The following PPP2R1B variants were observed in gnomAD, a reference collection of about 807,000 sequenced individuals.
PPP2R1B encodes serine/threonine-protein phosphatase 2A 65 kDa regulatory subunit A beta isoform.
PPP2R1B carries 58 observed loss-of-function variants against 72.7 expected under a neutral mutation model. That is an observed-to-expected ratio of 0.80 (90% confidence interval 0.65 to 0.99). The LOEUF is 0.99. Among genes scored for constraint, PPP2R1B ranks in the 50% least tolerant of loss-of-function variants. The pLI is 0.00. For synonymous variants in PPP2R1B, 256 were observed against 264.6 expected (o/e 0.97, Z 0.32); for missense variants, 695 against 733.6 (o/e 0.95, Z 0.61).
At chr11:111,714,251 T>C in the PPP2R1B span, among the ~76,000 whole-genome samples, 11 of 152,250 alleles carry the variant, frequency 7.2e-5, no homozygotes, top group African/African-American at 2.6e-4. Context: ...AGGGAAGCTG[T>C]GTGAAATAAA....
At chr11:111,733,092 C>T (rs893135453), downstream of PPP2R1B, among the ~76,000 whole-genome samples, 1 of 152,220 alleles carries the variant, frequency 6.6e-6, no homozygotes, top group Non-Finnish European at 1.5e-5. Flanking sequence ...AGGTATGAAG[C>T]TGTGCCCACA....
At chr11:111,703,406 C>A in the PPP2R1B span, 4 of 1,613,776 alleles carry the variant, frequency 2.5e-6, no homozygotes, top group Non-Finnish European at 3.4e-6. Context: ...TGGAATAGAT[C>A]AGCAGAAAAC....
chr11:111,692,422 G>C, the PPP2R1B span, among the ~76,000 whole-genome samples: 26 of 137,076 alleles, frequency 1.9e-4, no homozygotes, highest in African/African-American at 6.6e-4. Flanking sequence ...GAGAGATAGA[G>C]ATCGAGGCTG....
At position 111,741,077 on chromosome 11, in the gene PPP2R1B, G is replaced by A; in HGVS notation, c.*519C>T. ...TCCCCTTTCACATGAGACTAATGCA[G>A]ACCATCATAATTCAGGAAAATGTGG... On this transcript the variant is annotated 3_prime_UTR_variant, in exon 15 of 15. Transcript: ENST00000527614. The A allele has an allele frequency of 1.0e-6, 1 of 987,544 alleles. No homozygotes were observed. Among genetic ancestry groups the A allele is most frequent in the Non-Finnish European group, 1.2e-6 (1 of 831,060 alleles). 61.2% of individuals were successfully genotyped at this position (987,544 alleles called of 1,614,324 possible). A position where few individuals can be genotyped will look rare whatever the true frequency, so the allele number is the denominator to read the frequency against.
chr11:111,730,307 T>C (rs1306427808), intron 15 of PPP2R1B: 2 of 152,254 alleles, frequency 1.3e-5, no homozygotes, highest in African/African-American at 4.8e-5. Context: ...GCAGAAGATT[T>C]GCTCAGTCAA....
the PPP2R1B span, among the ~76,000 whole-genome samples, chr11:111,714,376 T>C: frequency 5.3e-5 from 8 of 152,022 alleles, no homozygotes; most frequent in Non-Finnish European, 1.0e-4. Context: ...GAAGGAACAG[T>C]TGTTAGGGGA....
the PPP2R1B span, chr11:111,720,794 C>T: frequency 2.5e-6 from 4 of 1,569,258 alleles, no homozygotes; most frequent in Admixed American, 1.8e-5. Context: ...TTTTGAAACT[C>T]GCGTCGTAGG....
the PPP2R1B span, chr11:111,720,645 C>T: frequency 6.2e-7 from 1 of 1,614,074 alleles, no homozygotes; most frequent in Admixed American, 1.7e-5. Context: ...CTTCATAAGC[C>T]TGAGACCTAC....
At chr11:111,758,246 A>G (rs1945196347) in intron 5 of PPP2R1B, among the ~76,000 whole-genome samples, 2 of 152,246 alleles carry the variant, frequency 1.3e-5, no homozygotes, top group Non-Finnish European at 1.5e-5. Context: ...GGTAGCTTAC[A>G]TTATATTTCT....
chr11:111,737,303 C>G (rs1944366215), downstream of PPP2R1B: 1 of 1,220,626 alleles, frequency 8.2e-7, no homozygotes, highest in Non-Finnish European at 1.1e-6. Context: ...CTACTCCCGG[C>G]CCTTAAAATT....
chr11:111,746,795 A>G (rs1460921991), intron 11 of PPP2R1B, among the ~76,000 whole-genome samples: 2 of 152,214 alleles, frequency 1.3e-5, no homozygotes, highest in Non-Finnish European at 2.9e-5. Flanking sequence ...AAAAGAAATA[A>G]ATAGGCCACA....
At chr11:111,723,421 T>A (rs1365219852), downstream of PPP2R1B, 1 of 1,440,416 alleles carries the variant, frequency 6.9e-7, no homozygotes, top group Admixed American at 2.2e-5. Flanking sequence ...AGCTAGTGAC[T>A]GGTATTGCAT....
At chr11:111,720,222 T>C in the PPP2R1B span, among the ~76,000 whole-genome samples, 6 of 152,194 alleles carry the variant, frequency 3.9e-5, no homozygotes, top group Non-Finnish European at 5.9e-5. Context: ...CCAGGATTCA[T>C]CTGGGTGCCA....
At chr11:111,717,620 C>A in the PPP2R1B span, among the ~76,000 whole-genome samples, 1 of 152,262 alleles carries the variant, frequency 6.6e-6, no homozygotes, top group East Asian at 1.9e-4. Context: ...GTAAATCATT[C>A]TATTATAAAG....
Position 111,749,616 on chromosome 11 carries a change from C to T in PPP2R1B, c.1339-1602G>A, listed in dbSNP as rs565667804. Among the ~76,000 whole-genome samples the T allele has an allele frequency of 7.2e-5, 11 of 152,230 alleles. No individual in the cohort carries two copies. In the South Asian group the frequency reaches 2.3e-3, roughly 32 times the overall value. ...CCGGTTTTTGTAGTTTAACTTTACA[C>T]TTACTTAACATCGTCCACAAGCCAG... On this transcript the variant is annotated intron_variant, in intron 10 of 14. Coordinates refer to ENST00000527614, the MANE Select transcript of PPP2R1B (RefSeq NM_002716.5).
At chr11:111,755,120 A>C (rs1945054126) in intron 6 of PPP2R1B, 26 bp from the exon 7 acceptor site, 1 of 1,574,376 alleles carries the variant, frequency 6.4e-7, no homozygotes, top group Non-Finnish European at 8.7e-7. Context: ...AACGGGTTTT[A>C]ATGTATACTA....
chr11:111,722,356 G>A (rs541853726), downstream of PPP2R1B, among the ~76,000 whole-genome samples: 15 of 152,324 alleles, frequency 9.8e-5, no homozygotes, highest in South Asian at 8.3e-4. The surrounding 1 kb of genome is among the most constrained non-coding windows in gnomAD (Gnocchi z 4.4). Context: ...TTCATTCAGC[G>A]GGTGCTGGGG....
chr11:111,723,976 C>A (rs1280434447), downstream of PPP2R1B: 9 of 1,614,060 alleles, frequency 5.6e-6, no homozygotes, highest in Non-Finnish European at 7.6e-6. Flanking sequence ...AGCAGAGCGA[C>A]CTAACGGGGC....
At chr11:111,715,565 T>C in the PPP2R1B span, among the ~76,000 whole-genome samples, 1 of 152,154 alleles carries the variant, frequency 6.6e-6, no homozygotes, top group Non-Finnish European at 1.5e-5. Context: ...AATGGAAACT[T>C]TGGTTTGCAG....
Sources: allele counts gnomAD v4.1 joint callset (sites outside exome capture counted in the v4.1 genomes callset), GRCh38; gene constraint gnomAD v4.1.1; non-coding constraint Gnocchi (gnomAD v3.1); transcripts MANE v1.5; gene names NCBI Gene and HGNC (gene_info 2026-07-23, HGNC 2026-07-21).